SUGCT: variants seen among roughly 807,000 people sequenced by gnomAD.
SUGCT encodes succinyl-CoA:glutarate CoA-transferase.
SUGCT carries 41 observed loss-of-function variants against 55.0 expected under a neutral mutation model. The observed-to-expected ratio is 0.74, with a 90% CI of 0.58 to 0.97. The LOEUF is 0.97. Ranked by LOEUF, SUGCT falls within the 50% of genes least tolerant of loss-of-function variation. The probability of loss-of-function intolerance (pLI) is 0.00; values close to 1 mark genes in which losing one functional copy is unlikely to be tolerated. For synonymous variants in SUGCT, 187 were observed against 200.4 expected, an observed-to-expected ratio of 0.93 and a Z score of 0.56; for missense variants, 568 against 547.8, an observed-to-expected ratio of 1.04 and a Z score of -0.37.
intron 9 of SUGCT, among the ~76,000 whole-genome samples, chr7:40,391,011 C>T (rs918173078): frequency 5.3e-5 from 8 of 152,158 alleles, no homozygotes; most frequent in African/African-American, 1.9e-4. Context: ...TTTGACAAAC[C>T]TGACAGAAAC....
chr7:40,791,133 T>C (rs572812527), intron 13 of SUGCT, among the ~76,000 whole-genome samples: 100 of 152,328 alleles, frequency 6.6e-4, no homozygotes, highest in Non-Finnish European at 9.4e-4. Context: ...TAATTATCTT[T>C]GACAGAAAAA....
chr7:40,559,040 T>C (rs1795704271), intron 12 of SUGCT, among the ~76,000 whole-genome samples: 1 of 152,234 alleles, frequency 6.6e-6, no homozygotes, highest in Non-Finnish European at 1.5e-5. Context: ...CAAAATTCTT[T>C]AGGTTTACTC....
chr7:40,575,943 C>CAAA (rs766046012), intron 12 of SUGCT, among the ~76,000 whole-genome samples: 2 of 69,690 alleles, frequency 2.9e-5, no homozygotes, highest in African/African-American at 4.5e-5. Flanking sequence ...GACACTGTCT[C>CAAA]AAAAAAAAAA....
chr7:40,140,886 A>G (rs998145148), intron 1 of SUGCT, among the ~76,000 whole-genome samples: 2 of 152,196 alleles, frequency 1.3e-5, no homozygotes, highest in African/African-American at 4.8e-5. Context: ...AATTCTGTGA[A>G]AAAATGATGT....
At chr7:40,921,808 G>C in the SUGCT span, among the ~76,000 whole-genome samples, 1 of 152,168 alleles carries the variant, frequency 6.6e-6, no homozygotes, top group African/African-American at 2.4e-5. Context: ...GTGGGTGTGT[G>C]CATGTATGAG....
chr7:40,151,550 C>T (rs931690334), intron 1 of SUGCT: 2 of 212,508 alleles, frequency 9.4e-6, no homozygotes, highest in Admixed American at 4.4e-5. Context: ...CAAGATCTCT[C>T]CTCATGGCCA....
At chr7:40,945,704 TA>T in the SUGCT span, among the ~76,000 whole-genome samples, 2 of 152,244 alleles carry the variant, frequency 1.3e-5, no homozygotes, top group African/African-American at 4.8e-5. Context: ...CCATGTGGAT[TA>T]TTTGTTCCCA....
At chr7:40,446,514 T>C (rs1310461131) in intron 9 of SUGCT, among the ~76,000 whole-genome samples, 1 of 152,188 alleles carries the variant, frequency 6.6e-6, no homozygotes, top group Admixed American at 6.5e-5. Flanking sequence ...AACTTTACTT[T>C]TGCCCTCATG....
At chr7:40,338,891 G>A (rs1217776488) in intron 9 of SUGCT, among the ~76,000 whole-genome samples, 1 of 152,040 alleles carries the variant, frequency 6.6e-6, no homozygotes, top group Non-Finnish European at 1.5e-5. Context: ...TCTACCTTTG[G>A]TCTTTGATGA....
chr7:40,244,674 G>A (rs2150904437), intron 7 of SUGCT, among the ~76,000 whole-genome samples: 1 of 152,248 alleles, frequency 6.6e-6, no homozygotes, highest in South Asian at 2.1e-4. Context: ...ATTACACAAG[G>A]AGAAATTGCT....
At chr7:40,633,894 T>C (rs187997528) in intron 12 of SUGCT, among the ~76,000 whole-genome samples, 1 of 152,360 alleles carries the variant, frequency 6.6e-6, no homozygotes, top group Non-Finnish European at 1.5e-5. Flanking sequence ...TATTTTTAGT[T>C]CTTTATTAGA....
At chr7:41,001,756 A>C in the SUGCT span, among the ~76,000 whole-genome samples, 10 of 152,118 alleles carry the variant, frequency 6.6e-5, no homozygotes, top group African/African-American at 2.4e-4. Flanking sequence ...CTTCCTAACA[A>C]CTCCATCTTC....
At chr7:40,513,307 C>T (rs1336682509) in intron 12 of SUGCT, among the ~76,000 whole-genome samples, 1 of 152,080 alleles carries the variant, frequency 6.6e-6, no homozygotes, top group East Asian at 1.9e-4. Context: ...AATGAATGAG[C>T]CCTGTAAAAG....
At chr7:40,588,374 G>C (rs1455177711) in intron 12 of SUGCT, among the ~76,000 whole-genome samples, 1 of 151,940 alleles carries the variant, frequency 6.6e-6, no homozygotes, top group African/African-American at 2.4e-5. Flanking sequence ...GTGTTCACTA[G>C]TTTTGTTATG....
intron 1 of SUGCT, among the ~76,000 whole-genome samples, chr7:40,168,847 CT>C (rs1271433804): frequency 2.8e-5 from 1 of 35,300 alleles, no homozygotes; most frequent in East Asian, 6.4e-4. Flanking sequence ...TTACCCCATA[CT>C]CTAGGGGTCC....
intron 12 of SUGCT, among the ~76,000 whole-genome samples, chr7:40,501,182 A>T (rs1792263990): frequency 6.6e-6 from 1 of 152,180 alleles, no homozygotes. Context: ...GTGTCTCTGA[A>T]TATACATGAC....
At chr7:40,275,291 GC>G (rs1355725562) in intron 8 of SUGCT, among the ~76,000 whole-genome samples, 1 of 152,056 alleles carries the variant, frequency 6.6e-6, no homozygotes, top group Admixed American at 6.5e-5. Context: ...CCTTTTATGT[GC>G]CACGAACCCC....
At chr7:40,827,658 G>C (rs367834178) in intron 13 of SUGCT, among the ~76,000 whole-genome samples, 2 of 152,058 alleles carry the variant, frequency 1.3e-5, no homozygotes, top group Non-Finnish European at 2.9e-5. Flanking sequence ...CTGGAGCTTC[G>C]GGCCTGATCC....
chr7:40,557,432 A>G (rs913088231), intron 12 of SUGCT, among the ~76,000 whole-genome samples: 2 of 152,214 alleles, frequency 1.3e-5, no homozygotes, highest in South Asian at 2.1e-4. Flanking sequence ...AAAATAAAAA[A>G]TAGACAAAAT....
Sources: allele counts gnomAD v4.1 joint callset (sites outside exome capture counted in the v4.1 genomes callset), GRCh38; gene constraint gnomAD v4.1.1; transcripts MANE v1.5; gene names NCBI Gene and HGNC (gene_info 2026-07-23, HGNC 2026-07-21).